Variants in ADORA2B observed in about 807,000 individuals in gnomAD.
ADORA2B encodes the protein adenosine A2b receptor.
ADORA2B carries 18 observed loss-of-function variants against 20.8 expected under a neutral mutation model. The observed-to-expected ratio is 0.87, with a 90% CI of 0.60 to 1.29. The LOEUF (loss-of-function observed/expected upper bound fraction) is 1.29. Ranked by LOEUF, ADORA2B falls within the 50% of genes most tolerant of loss-of-function variation. The pLI is 0.00. For synonymous variants in ADORA2B, 179 were observed against 178.3 expected, an observed-to-expected ratio of 1.00 and a Z score of -0.03; for missense variants, 441 against 422.7, an observed-to-expected ratio of 1.04 and a Z score of -0.38.
the ADORA2B span, among the ~76,000 whole-genome samples, chr17:15,907,048 C>T: frequency 6.6e-6 from 1 of 152,172 alleles, no homozygotes; most frequent in South Asian, 2.1e-4. Context: ...CAGAGCTCAT[C>T]TATCCCCCAA....
the ADORA2B span, among the ~76,000 whole-genome samples, chr17:15,937,580 CTT>C: frequency 6.9e-6 from 1 of 145,802 alleles, no homozygotes. Flanking sequence ...CTTTTCTTTT[CTT>C]TTTTTTTTTA....
the ADORA2B span, among the ~76,000 whole-genome samples, chr17:15,867,768 C>T: frequency 7.3e-5 from 11 of 150,048 alleles, no homozygotes; most frequent in South Asian, 2.1e-4. Context: ...CCCCTCTGCC[C>T]GGCCAGCCGC....
At chr17:15,857,150 GC>G in the ADORA2B span, among the ~76,000 whole-genome samples, 1 of 152,240 alleles carries the variant, frequency 6.6e-6, no homozygotes, top group Non-Finnish European at 1.5e-5. Context: ...TACAGCTTGG[GC>G]CATTGCTTCA....
rs61613212 is a variant in ADORA2B, at chr17:15,948,398, C to CGGTGGGTGGGG, written c.335+2817_335+2818insTGGGTGGGGGG. Among the ~76,000 whole-genome samples the CGGTGGGTGGGG allele has an allele frequency of 1.3e-4, 3 of 22,600 alleles. 1 individual carries two copies. The highest frequency in any genetic ancestry group is 6.7e-4 in the Non-Finnish European group (2 of 2,966). The allele number at this position is 22,600 out of a possible 152,430, so 14.8% of individuals were successfully genotyped here. On this transcript the variant is annotated intron_variant, in intron 1 of 1. Coordinates refer to ENST00000304222, the MANE Select transcript of ADORA2B (RefSeq NM_000676.4). ...GACAATTCCTGATGTTGGGCCCTGGCGGCGGGGGGCTCCAGTCCCCAGTGG... is the reference window on the plus strand; with the variant it reads ...GACAATTCCTGATGTTGGGCCCTGGCGGTGGGTGGGGGGCGGGGGGCTCCAGTCCCCAGTGG...
the ADORA2B span, among the ~76,000 whole-genome samples, chr17:15,913,502 G>C: frequency 6.6e-6 from 1 of 152,164 alleles, no homozygotes; most frequent in African/African-American, 2.4e-5. Context: ...AGGACCCCTG[G>C]AGGGAAACTC....
At chr17:15,949,391 TA>T (rs1254025065) in intron 1 of ADORA2B, among the ~76,000 whole-genome samples, 1 of 151,190 alleles carries the variant, frequency 6.6e-6, no homozygotes, top group Non-Finnish European at 1.5e-5. Flanking sequence ...TACACGCTTG[TA>T]ATCCCAGCTA....
intron 1 of ADORA2B, among the ~76,000 whole-genome samples, chr17:15,959,625 C>T (rs145673533): frequency 1.3e-5 from 2 of 151,762 alleles, no homozygotes; most frequent in African/African-American, 2.4e-5. Context: ...CTCAGCCTCC[C>T]GAGTAGTTGG....
At chr17:15,915,558 G>C in the ADORA2B span, among the ~76,000 whole-genome samples, 1 of 152,114 alleles carries the variant, frequency 6.6e-6, no homozygotes, top group African/African-American at 2.4e-5. Flanking sequence ...TGTTAGTCAA[G>C]GTTCTCCAGA....
chr17:15,858,496 T>G, the ADORA2B span, among the ~76,000 whole-genome samples: 1 of 152,192 alleles, frequency 6.6e-6, no homozygotes, highest in Non-Finnish European at 1.5e-5. Flanking sequence ...AGAACTGGGG[T>G]GCAGGAGTGA....
In ADORA2B at chr17:15,975,476, T is replaced by C. The variant is rs1344376607; in HGVS notation, c.*134T>C. 1.2e-6 allele frequency: 1 copy of C among 834,896 alleles called. No individual in the cohort carries two copies. The allele number at this position is 834,896 out of a possible 1,614,324, so 51.7% of individuals were successfully genotyped here. On this transcript the variant is annotated 3_prime_UTR_variant, in exon 2 of 2. Transcript: ENST00000304222. ...CCTCTCTTGAGCACTTCCCTGGAGC[T>C]ACCACGTATCTAGCTAATATGTATG...
intron 1 of ADORA2B, among the ~76,000 whole-genome samples, chr17:15,961,997 G>A (rs1197684795): frequency 6.6e-6 from 1 of 152,162 alleles, no homozygotes; most frequent in Non-Finnish European, 1.5e-5. Flanking sequence ...AGCAACCACG[G>A]TGATTATAAA....
In ADORA2B at chr17:15,950,410, C is replaced by T. The variant is rs146806418; in HGVS notation, c.335+4827C>T. 2.8e-3 allele frequency among the ~76,000 whole-genome samples: 433 copies of T among 152,284 alleles called. 3 individuals are homozygous for T. Among genetic ancestry groups the T allele is most frequent in the African/African-American group, 1.0e-2 (414 of 41,548 alleles). The stretch of plus-strand genomic sequence containing the variant: ...AGCCACCCATCAGTACACGAATATA[C>T]CCCTAGATCAACGCCCCTTCACTTC... On this transcript the variant is annotated intron_variant, in intron 1 of 1. Transcript: ENST00000304222.
chr17:15,973,464 A>G (rs1460446102), intron 1 of ADORA2B, among the ~76,000 whole-genome samples: 1 of 152,192 alleles, frequency 6.6e-6, no homozygotes, highest in Non-Finnish European at 1.5e-5. Flanking sequence ...AGGGTTCCTC[A>G]ACCCCTGGGC....
the ADORA2B span, among the ~76,000 whole-genome samples, chr17:15,892,630 G>A: frequency 6.6e-6 from 1 of 150,974 alleles, no homozygotes; most frequent in Non-Finnish European, 1.5e-5. Flanking sequence ...AAGAAGCTTT[G>A]CTTTTTTCTT....
chr17:15,896,780 A>C, the ADORA2B span, among the ~76,000 whole-genome samples: 2 of 152,208 alleles, frequency 1.3e-5, no homozygotes, highest in African/African-American at 4.8e-5. Flanking sequence ...TTCCACCTGC[A>C]GGGCAGGAAG....
the ADORA2B span, among the ~76,000 whole-genome samples, chr17:15,909,718 C>T: frequency 6.6e-6 from 1 of 152,184 alleles, no homozygotes; most frequent in African/African-American, 2.4e-5. Context: ...CCTCTGGGGA[C>T]CCTGGGCTGA....
chr17:15,877,232 A>G, the ADORA2B span, among the ~76,000 whole-genome samples: 1 of 152,164 alleles, frequency 6.6e-6, no homozygotes, highest in South Asian at 2.1e-4. Context: ...TGAAGATTGT[A>G]GGTTGATTCT....
At chr17:15,948,756 C>T (rs568469981) in intron 1 of ADORA2B, among the ~76,000 whole-genome samples, 7 of 149,512 alleles carry the variant, frequency 4.7e-5, no homozygotes. Context: ...GTCCCTGGAC[C>T]CTGCCCAGTC....
the ADORA2B span, among the ~76,000 whole-genome samples, chr17:15,918,998 TC>T: frequency 6.6e-6 from 1 of 152,042 alleles, no homozygotes; most frequent in Non-Finnish European, 1.5e-5. Flanking sequence ...ACCACCAACA[TC>T]CGGTTTATGG....
Sources: allele counts gnomAD v4.1 joint callset (sites outside exome capture counted in the v4.1 genomes callset), GRCh38; gene constraint gnomAD v4.1.1; transcripts MANE v1.5; gene names NCBI Gene and HGNC (gene_info 2026-07-23, HGNC 2026-07-21).